Variants in CCDC148 observed in about 807,000 individuals in gnomAD.
CCDC148 encodes coiled-coil domain-containing protein 148.
Under a neutral mutation model 85.7 loss-of-function variants are expected in CCDC148, and 89 were observed. That is an observed-to-expected ratio of 1.04 (90% CI 0.87 to 1.24). The LOEUF (loss-of-function observed/expected upper bound fraction) is 1.24, where lower values mean the gene tolerates loss of function less well. Among genes scored for constraint, CCDC148 ranks in the 50% most tolerant of loss-of-function variants. CCDC148 has a pLI of 0.00. For synonymous variants in CCDC148, 230 were observed against 213.9 expected (o/e 1.08, Z -0.66); for missense variants, 692 against 671.7 (o/e 1.03, Z -0.33).
At chr2:158,198,133 C>T (rs953552827) in intron 11 of CCDC148, among the ~76,000 whole-genome samples, 1 of 152,228 alleles carries the variant, frequency 6.6e-6, no homozygotes, top group Admixed American at 6.5e-5. Flanking sequence ...GGCAGGAGGA[C>T]ATTTCCTATT....
chr2:158,277,480 G>A (rs1242831891), intron 9 of CCDC148, among the ~76,000 whole-genome samples: 1 of 152,182 alleles, frequency 6.6e-6, no homozygotes, highest in African/African-American at 2.4e-5. Flanking sequence ...ACAAATAGGG[G>A]AAATAATAGC....
chr2:158,333,456 A>G (rs1026370576), intron 7 of CCDC148, among the ~76,000 whole-genome samples: 2 of 152,184 alleles, frequency 1.3e-5, no homozygotes, highest in Admixed American at 6.5e-5. Flanking sequence ...CAGTTTTAGA[A>G]TAAGTACGAT....
intron 9 of CCDC148, among the ~76,000 whole-genome samples, chr2:158,299,592 C>T (rs1170215125): frequency 6.6e-6 from 1 of 152,214 alleles, no homozygotes; most frequent in African/African-American, 2.4e-5. Flanking sequence ...CTCATCCATA[C>T]ACTGGTTATC....
At chr2:158,335,947 T>C (rs1236686708) in intron 7 of CCDC148, among the ~76,000 whole-genome samples, 1 of 152,020 alleles carries the variant, frequency 6.6e-6, no homozygotes, top group African/African-American at 2.4e-5. Context: ...ATAGGAAGAA[T>C]TGAATAAACA....
chr2:158,433,083 A>ATATATATATAT (rs1257647229), intron 1 of CCDC148, among the ~76,000 whole-genome samples: 4 of 46,248 alleles, frequency 8.6e-5, no homozygotes, highest in African/African-American at 1.8e-4. Flanking sequence ...ACAAAAAAAA[A>ATATATATATAT]AAAAAAAAAT....
chr2:158,413,065 A>T (rs1686337154), intron 1 of CCDC148, among the ~76,000 whole-genome samples: 1 of 152,074 alleles, frequency 6.6e-6, no homozygotes, highest in Non-Finnish European at 1.5e-5. Flanking sequence ...TACCTAAACA[A>T]TTTTTCCAAA....
chr2:158,215,710 G>A (rs1686814435), intron 11 of CCDC148, among the ~76,000 whole-genome samples: 1 of 152,138 alleles, frequency 6.6e-6, no homozygotes, highest in African/African-American at 2.4e-5. Flanking sequence ...GTAGTGAATA[G>A]TCGATTTGTA....
intron 1 of CCDC148, among the ~76,000 whole-genome samples, chr2:158,409,491 C>T (rs4664956): frequency 0.72 from 109,124 of 152,132 alleles, 39,947 homozygotes; most frequent in East Asian, 0.82. Flanking sequence ...TGCATGGGGC[C>T]TGTAGCCCCT....
At chr2:158,386,910 GT>G (rs1685108545) in intron 1 of CCDC148, among the ~76,000 whole-genome samples, 1 of 151,906 alleles carries the variant, frequency 6.6e-6, no homozygotes. Flanking sequence ...CCCTATTCTT[GT>G]TCTAGTTTTT....
At chr2:158,335,931 T>C (rs1682351359) in intron 7 of CCDC148, among the ~76,000 whole-genome samples, 1 of 152,136 alleles carries the variant, frequency 6.6e-6, no homozygotes, top group East Asian at 1.9e-4. Context: ...AGCGAGCTAC[T>C]ATAAAATAGG....
chr2:158,286,169 C>A (rs963676106), intron 9 of CCDC148, among the ~76,000 whole-genome samples: 2 of 151,880 alleles, frequency 1.3e-5, no homozygotes, highest in African/African-American at 2.4e-5. Flanking sequence ...AAATAAGACA[C>A]AGTTTTTTTA....
chr2:158,232,851 T>C (rs916452833), intron 10 of CCDC148, among the ~76,000 whole-genome samples: 1 of 152,100 alleles, frequency 6.6e-6, no homozygotes, highest in Admixed American at 6.6e-5. Flanking sequence ...TGGTGGTTAT[T>C]AGAGGCTGGG....
At chr2:158,285,662 C>G (rs1410271022) in intron 9 of CCDC148, among the ~76,000 whole-genome samples, 1 of 151,572 alleles carries the variant, frequency 6.6e-6, no homozygotes, top group Non-Finnish European at 1.5e-5. Context: ...TCCCCAGTAG[C>G]TGGGACTACA....
At chr2:158,407,683 A>C (rs1686084810) in intron 1 of CCDC148, among the ~76,000 whole-genome samples, 1 of 152,192 alleles carries the variant, frequency 6.6e-6, no homozygotes, top group Admixed American at 6.5e-5. Context: ...ATTAAAAATA[A>C]TGTGGGTCCC....
chr2:158,444,831 AATGCTGGTGATT>A, intron 1 of CCDC148, among the ~76,000 whole-genome samples: 1 of 151,590 alleles, frequency 6.6e-6, no homozygotes, highest in Non-Finnish European at 1.5e-5. Context: ...AAGTTGATAA[AATGCTGGTGATT>A]ATGCTATCTA....
chr2:158,374,704 T>C (rs530001231), intron 1 of CCDC148, among the ~76,000 whole-genome samples: 2 of 152,032 alleles, frequency 1.3e-5, no homozygotes, highest in African/African-American at 4.8e-5. Flanking sequence ...TATATGTGTA[T>C]GTGTGTACAT....
chr2:158,264,936 C>A (rs1022007469), intron 9 of CCDC148, among the ~76,000 whole-genome samples: 3 of 152,040 alleles, frequency 2.0e-5, no homozygotes, highest in Non-Finnish European at 4.4e-5. Flanking sequence ...CAAGATTTAG[C>A]CAGTTTTACT....
intron 1 of CCDC148, among the ~76,000 whole-genome samples, chr2:158,381,839 C>A (rs1198305774): frequency 6.6e-6 from 1 of 152,104 alleles, no homozygotes; most frequent in Non-Finnish European, 1.5e-5. Context: ...GAGCCATGAT[C>A]ACACCATAGC....
intron 9 of CCDC148, among the ~76,000 whole-genome samples, chr2:158,303,809 G>A (rs1351839166): frequency 6.6e-6 from 1 of 152,112 alleles, no homozygotes; most frequent in Non-Finnish European, 1.5e-5. Flanking sequence ...TTGTCTCTTA[G>A]AGCTGTGGCC....
Sources: allele counts gnomAD v4.1 joint callset (sites outside exome capture counted in the v4.1 genomes callset), GRCh38; gene constraint gnomAD v4.1.1; transcripts MANE v1.5; gene names NCBI Gene and HGNC (gene_info 2026-07-23, HGNC 2026-07-21).